ACER2: variants seen among roughly 807,000 people sequenced by gnomAD.
ACER2 encodes the protein alkCDase 2.
In ACER2, 26 loss-of-function variants were observed where a neutral mutation model predicts 34.7. The observed-to-expected ratio is 0.75, with a 90% confidence interval of 0.55 to 1.04. The LOEUF (loss-of-function observed/expected upper bound fraction) is 1.04, where lower values mean the gene tolerates loss of function less well. Ranked by LOEUF, ACER2 falls within the 50% of genes least tolerant of loss-of-function variation. ACER2 has a pLI of 0.00. For synonymous variants in ACER2, 138 were observed against 132.1 expected (o/e 1.04, Z -0.31); for missense variants, 352 against 340.8 (o/e 1.03, Z -0.26).
At position 19,445,241 on chromosome 9, in the gene ACER2, T is replaced by C. The variant is rs573387434; in HGVS notation, c.504-1040T>C. Among the ~76,000 whole-genome samples, 5 of 152,366 alleles carry C rather than the reference T, an allele frequency of 3.3e-5. No individual in the cohort carries two copies. The East Asian group carries it at 7.7e-4, about 23-fold the overall frequency. Reference sequence around the variant, plus strand: ...AAGAAGACGGCAATTGAAATTTTCATTGAGCTGTTAGCATTTTTTTCAGAA... The same window carrying C: ...AAGAAGACGGCAATTGAAATTTTCACTGAGCTGTTAGCATTTTTTTCAGAA... On this transcript the variant is annotated intron_variant, in intron 4 of 5. Coordinates refer to ENST00000340967, the MANE Select transcript of ACER2 (RefSeq NM_001010887.3).
chr9:19,413,698 C>T (rs566778789), intron 1 of ACER2, among the ~76,000 whole-genome samples: 1 of 151,986 alleles, frequency 6.6e-6, no homozygotes, highest in African/African-American at 2.4e-5. Flanking sequence ...TGAGCTTGGC[C>T]TTTGGGGACT....
intron 4 of ACER2, among the ~76,000 whole-genome samples, chr9:19,440,557 C>G (rs13284903): frequency 0.14 from 20,897 of 152,168 alleles, 1,640 homozygotes; most frequent in South Asian, 0.28. Context: ...GAATGGCCCT[C>G]ACTAGACACT....
chr9:19,429,321 T>G (rs997484478), intron 3 of ACER2, among the ~76,000 whole-genome samples: 2 of 152,118 alleles, frequency 1.3e-5, no homozygotes, highest in Non-Finnish European at 2.9e-5. Context: ...ATAGGCTAAT[T>G]GTATCTACTT....
At chr9:19,412,988 A>G (rs1388109765) in intron 1 of ACER2, among the ~76,000 whole-genome samples, 1 of 152,216 alleles carries the variant, frequency 6.6e-6, no homozygotes, top group Non-Finnish European at 1.5e-5. Flanking sequence ...GTACTTTCGC[A>G]AGCACTAATC....
At chr9:19,437,649 C>G (rs1831019323) in intron 4 of ACER2, among the ~76,000 whole-genome samples, 1 of 152,102 alleles carries the variant, frequency 6.6e-6, no homozygotes, top group Non-Finnish European at 1.5e-5. Context: ...TATGACCAAC[C>G]AATTTGGACC....
chr9:19,415,908 A>G (rs1016511407), intron 1 of ACER2, among the ~76,000 whole-genome samples: 1 of 152,222 alleles, frequency 6.6e-6, no homozygotes. Context: ...TAGGATGAAA[A>G]GGTTTGCAGT....
At position 19,443,771 on chromosome 9, in the gene ACER2, C is replaced by T. The variant is rs1009791958; in HGVS notation, c.504-2510C>T. Among the ~76,000 whole-genome samples, 4 of 152,018 alleles carry T rather than the reference C, an allele frequency of 2.6e-5. No homozygotes were observed. In the South Asian group the frequency reaches 8.3e-4, roughly 32 times the overall value. On this transcript the variant is annotated intron_variant, in intron 4 of 5. Coordinates refer to ENST00000340967, the MANE Select transcript of ACER2 (RefSeq NM_001010887.3). ...ATCTGGGTTCAAGTGATTCTCCTGC[C>T]TCAGCCTCCCAAGTAGCTGGGATTA...
intron 4 of ACER2, among the ~76,000 whole-genome samples, chr9:19,440,110 C>G (rs1036782824): frequency 1.3e-5 from 2 of 152,060 alleles, no homozygotes; most frequent in African/African-American, 4.8e-5. Context: ...GTTTTCAGAC[C>G]CCCCTGTATC....
intron 4 of ACER2, among the ~76,000 whole-genome samples, chr9:19,442,059 C>G (rs1831173071): frequency 6.6e-6 from 1 of 152,162 alleles, no homozygotes; most frequent in African/African-American, 2.4e-5. Context: ...TTTCCATTGT[C>G]TTTTCTGAAC....
chr9:19,429,918 T>C (rs1206086266), intron 3 of ACER2, among the ~76,000 whole-genome samples: 1 of 152,126 alleles, frequency 6.6e-6, no homozygotes, highest in Non-Finnish European at 1.5e-5. Flanking sequence ...ATAGATTATG[T>C]TTTGGTAGCT....
At chr9:19,446,459 G>T in intron 5 of ACER2, 41 bp downstream of exon 5, 1 of 1,613,086 alleles carries the variant, frequency 6.2e-7, no homozygotes, top group Non-Finnish European at 8.5e-7. Context: ...GGACAGGTGT[G>T]TTTGCACTTG....
At position 19,448,863 on chromosome 9, in the gene ACER2, G is replaced by A. The variant is rs910359691; in HGVS notation, c.642-1587G>A. 3.9e-5 allele frequency among the ~76,000 whole-genome samples: 6 copies of A among 152,040 alleles called. No homozygotes were observed. The South Asian group carries it at 6.2e-4, about 16-fold the overall frequency. On this transcript the variant is annotated intron_variant, in intron 5 of 5. Transcript: ENST00000340967. ...CTATTTTTAAAAGTTCATATCAGCC[G>A]GGCGTGGTGGCTCACGCCCGTAATC...
intron 4 of ACER2, among the ~76,000 whole-genome samples, 183 bp downstream of exon 4, chr9:19,435,267 A>G (rs1161970842): frequency 6.6e-6 from 1 of 152,216 alleles, no homozygotes; most frequent in Non-Finnish European, 1.5e-5. Context: ...CATTTTCAGT[A>G]GGAGGGGAGC....
At chr9:19,446,515 G>A (rs1409839204) in intron 5 of ACER2, 97 bp downstream of exon 5, 51 of 1,575,236 alleles carry the variant, frequency 3.2e-5, no homozygotes, top group Non-Finnish European at 4.0e-5. Context: ...GGTGTCCTGT[G>A]GGTTGCTGGC....
rs766823425 is a variant in ACER2 at position 19,451,101 on chromosome 9, C to T, written c.*465C>T. 3 of 153,136 alleles carry T rather than the reference C, an allele frequency of 2.0e-5. No individual in the cohort carries two copies. The highest frequency in any genetic ancestry group is 4.4e-5 in the Non-Finnish European group (3 of 68,634). The allele number at this position is 153,136 out of a possible 1,614,324, so 9.5% of individuals were successfully genotyped here. A position where few individuals can be genotyped will look rare whatever the true frequency, so the allele number is the denominator to read the frequency against. ...GATGCATCTTTCTCAGCATCACTTCCAGATGCAGTGACTTGTTGGGCTGCG... is the reference window on the plus strand; with the variant it reads ...GATGCATCTTTCTCAGCATCACTTCTAGATGCAGTGACTTGTTGGGCTGCG... On this transcript the variant is annotated 3_prime_UTR_variant, in exon 6 of 6. Transcript: ENST00000340967.
In ACER2 at chr9:19,445,867, C is replaced by T. The variant is rs527616220; in HGVS notation, c.504-414C>T. On this transcript the variant is annotated intron_variant, in intron 4 of 5. Coordinates refer to ENST00000340967, the MANE Select transcript of ACER2 (RefSeq NM_001010887.3). Reference sequence around the variant, plus strand: ...GTGGAAGGAGACTCTGATGAGATGGCGGTAGCATGGATCTAGATGGAGGTG... The same window carrying T: ...GTGGAAGGAGACTCTGATGAGATGGTGGTAGCATGGATCTAGATGGAGGTG... 5.3e-5 allele frequency among the ~76,000 whole-genome samples: 8 copies of T among 151,990 alleles called. No homozygotes were observed. In the South Asian group the frequency reaches 6.3e-4, roughly 12 times the overall value.
intron 1 of ACER2, among the ~76,000 whole-genome samples, chr9:19,421,108 C>G (rs993147279): frequency 6.6e-6 from 1 of 152,092 alleles, no homozygotes; most frequent in African/African-American, 2.4e-5. Context: ...CTGTAGGCAA[C>G]TGTAACACAA....
Position 19,424,690 on chromosome 9 carries a change from T to C in ACER2, c.224-10T>C. 5 of 1,612,806 alleles carry C rather than the reference T, an allele frequency of 3.1e-6. No individual in the cohort carries two copies. The highest frequency in any genetic ancestry group is 1.3e-5 in the African/African-American group (1 of 74,950). On this transcript the variant is annotated splice_polypyrimidine_tract_variant and intron_variant, in intron 2 of 5. Transcript: ENST00000340967. Reference sequence around the variant, plus strand: ...GGTGACCTTTTTTTATTGGTTGTAATTGATTCTAGGAATTGGATCCGTCTA... The same window carrying C: ...GGTGACCTTTTTTTATTGGTTGTAACTGATTCTAGGAATTGGATCCGTCTA...
At position 19,447,067 on chromosome 9, in the gene ACER2, A is replaced by G. The variant is rs141668210; in HGVS notation, c.641+649A>G. ...GGTTACAAAATACATGCAGAATCCGATTCTGAGAAAGCTGGGGGAAATTGG... is the reference window on the plus strand; with the variant it reads ...GGTTACAAAATACATGCAGAATCCGGTTCTGAGAAAGCTGGGGGAAATTGG... On this transcript the variant is annotated intron_variant, in intron 5 of 5. Coordinates refer to ENST00000340967, the MANE Select transcript of ACER2 (RefSeq NM_001010887.3). 1.7e-3 allele frequency among the ~76,000 whole-genome samples: 264 copies of G among 151,752 alleles called. 2 individuals carry two copies. Among genetic ancestry groups the G allele is most frequent in the African/African-American group, 6.2e-3 (255 of 41,404 alleles).
Sources: gnomAD v4.1 joint callset for allele counts (sites outside exome capture counted in the v4.1 genomes callset) on GRCh38, gnomAD v4.1.1 for gene constraint, MANE v1.5 for transcripts, NCBI Gene and HGNC (gene_info 2026-07-23, HGNC 2026-07-21) for gene names.